The following RSRC1 variants were observed in gnomAD, a reference collection of about 807,000 sequenced individuals.
RSRC1 encodes the protein arginine and serine rich coiled-coil 1.
A neutral mutation model predicts 49.1 loss-of-function variants in RSRC1; 39 were observed. The observed-to-expected ratio is 0.79, with a 90% confidence interval of 0.61 to 1.04. The LOEUF is 1.04. Among genes scored for constraint, RSRC1 ranks in the 50% least tolerant of loss-of-function variants. The pLI, the probability that RSRC1 is intolerant of heterozygous loss-of-function variation, is 0.00. For synonymous variants in RSRC1, 143 were observed against 130.8 expected (o/e 1.09, Z -0.63); for missense variants, 388 against 402.4 (o/e 0.96, Z 0.31).
chr3:158,337,002 G>T (rs74917007), intron 5 of RSRC1, among the ~76,000 whole-genome samples: 1 of 152,156 alleles, frequency 6.6e-6, no homozygotes, highest in African/African-American at 2.4e-5. Context: ...GAGATTTCCC[G>T]TCTGTGCCTG....
intron 5 of RSRC1, among the ~76,000 whole-genome samples, chr3:158,311,305 A>T (rs1728108418): frequency 6.6e-6 from 1 of 151,912 alleles, no homozygotes; most frequent in Non-Finnish European, 1.5e-5. Context: ...ATCGGTTGTA[A>T]AAAGTATATG....
chr3:158,492,052 A>G (rs1342724262), intron 7 of RSRC1, among the ~76,000 whole-genome samples: 1 of 152,218 alleles, frequency 6.6e-6, no homozygotes, highest in Non-Finnish European at 1.5e-5. Flanking sequence ...AGGCCTCAGG[A>G]AACAATCATA....
At chr3:158,247,441 G>T (rs1723966743) in intron 4 of RSRC1, among the ~76,000 whole-genome samples, 3 of 152,124 alleles carry the variant, frequency 2.0e-5, no homozygotes, top group Admixed American at 1.3e-4. Flanking sequence ...GGAGAAAACG[G>T]CAATCTGGCT....
intron 4 of RSRC1, among the ~76,000 whole-genome samples, chr3:158,271,672 GT>G (rs1349030299): frequency 3.9e-5 from 6 of 151,988 alleles, no homozygotes; most frequent in Admixed American, 2.0e-4. Context: ...TCATGAAATA[GT>G]AAAAACTTTT....
chr3:158,527,157 G>A (rs1357115607), intron 7 of RSRC1, among the ~76,000 whole-genome samples: 1 of 147,994 alleles, frequency 6.8e-6, no homozygotes, highest in Admixed American at 6.8e-5. Context: ...CCAGCCCCAT[G>A]GTGTTAGGGG....
intron 5 of RSRC1, among the ~76,000 whole-genome samples, chr3:158,347,336 C>T (rs1027403234): frequency 2.0e-5 from 3 of 152,238 alleles, no homozygotes; most frequent in African/African-American, 7.2e-5. Flanking sequence ...TGACAAGACT[C>T]TGTAAAGGGC....
chr3:158,162,462 A>G (rs1380887599), intron 3 of RSRC1, among the ~76,000 whole-genome samples: 1 of 152,186 alleles, frequency 6.6e-6, no homozygotes, highest in African/African-American at 2.4e-5. Flanking sequence ...ATAACATTCA[A>G]TGGAGTAGTT....
chr3:158,470,801 G>A (rs1472983635), intron 7 of RSRC1, among the ~76,000 whole-genome samples: 9 of 151,962 alleles, frequency 5.9e-5, no homozygotes, highest in South Asian at 4.1e-4. Context: ...GGACCCAATC[G>A]AAATCATCTC....
intron 6 of RSRC1, among the ~76,000 whole-genome samples, chr3:158,446,967 A>G (rs1363749656): frequency 6.6e-6 from 1 of 152,088 alleles, no homozygotes; most frequent in Non-Finnish European, 1.5e-5. Flanking sequence ...GTGTCATCCA[A>G]CGAAACTTGC....
At chr3:158,541,099 T>C (rs1713007255) in intron 8 of RSRC1, among the ~76,000 whole-genome samples, 1 of 152,166 alleles carries the variant, frequency 6.6e-6, no homozygotes, top group Admixed American at 6.6e-5. Flanking sequence ...GTCTTTTTGC[T>C]CACTATACAC....
At chr3:158,440,309 T>A (rs764819088) in intron 6 of RSRC1, among the ~76,000 whole-genome samples, 10 of 152,028 alleles carry the variant, frequency 6.6e-5, no homozygotes, top group Non-Finnish European at 1.2e-4. Context: ...ATTTTCTGAT[T>A]GTTCTTAGAG....
At chr3:158,180,781 T>C (rs1719559453) in intron 3 of RSRC1, among the ~76,000 whole-genome samples, 1 of 146,278 alleles carries the variant, frequency 6.8e-6, no homozygotes, top group Admixed American at 6.9e-5. Flanking sequence ...CCACAAAGAG[T>C]CATAATTTGA....
intron 6 of RSRC1, among the ~76,000 whole-genome samples, chr3:158,401,882 T>C (rs1024289559): frequency 6.6e-5 from 10 of 151,990 alleles, no homozygotes; most frequent in African/African-American, 2.2e-4. Flanking sequence ...GAAAACTTAC[T>C]GAACCTTTCT....
chr3:158,191,534 G>A (rs998238731), intron 3 of RSRC1, among the ~76,000 whole-genome samples: 4 of 151,932 alleles, frequency 2.6e-5, no homozygotes, highest in Non-Finnish European at 5.9e-5. Context: ...TAGAGATGTT[G>A]CAGGGACTTT....
intron 6 of RSRC1, among the ~76,000 whole-genome samples, chr3:158,379,607 A>G (rs1277317226): frequency 6.6e-6 from 1 of 151,838 alleles, no homozygotes; most frequent in African/African-American, 2.4e-5. Flanking sequence ...TCCTCACTCA[A>G]TCACATTCAC....
intron 6 of RSRC1, among the ~76,000 whole-genome samples, chr3:158,371,563 G>A (rs1732081657): frequency 6.6e-6 from 1 of 151,806 alleles, no homozygotes; most frequent in Admixed American, 6.6e-5. Flanking sequence ...TGTATCAGTA[G>A]CTTATTTACT....
chr3:158,242,432 T>C (rs1723647923), intron 4 of RSRC1, among the ~76,000 whole-genome samples: 1 of 152,216 alleles, frequency 6.6e-6, no homozygotes, highest in Non-Finnish European at 1.5e-5. Context: ...TCAACCACAT[T>C]TTCTTTATCC....
At chr3:158,170,159 C>G (rs2108236444) in intron 3 of RSRC1, among the ~76,000 whole-genome samples, 1 of 152,178 alleles carries the variant, frequency 6.6e-6, no homozygotes, top group South Asian at 2.1e-4. Context: ...CTAATTTGTT[C>G]ACCTGGCTTA....
At chr3:158,187,703 A>G (rs762735928) in intron 3 of RSRC1, among the ~76,000 whole-genome samples, 1 of 152,004 alleles carries the variant, frequency 6.6e-6, no homozygotes. Context: ...TCTAAGACAG[A>G]TGAGGGTCAG....
Sources: allele counts gnomAD v4.1 joint callset (sites outside exome capture counted in the v4.1 genomes callset), GRCh38; gene constraint gnomAD v4.1.1; transcripts MANE v1.5; gene names NCBI Gene and HGNC (gene_info 2026-07-23, HGNC 2026-07-21).